NEBL: variants seen among roughly 807,000 people sequenced by gnomAD.
The protein encoded by NEBL is nebulette.
NEBL carries 122 observed loss-of-function variants against 140.2 expected under a neutral mutation model. That is an observed-to-expected ratio of 0.87 (90% CI 0.75 to 1.01). The LOEUF (loss-of-function observed/expected upper bound fraction) is 1.01, where lower values mean the gene tolerates loss of function less well. NEBL is among the 50% of genes least tolerant of loss of function. NEBL has a pLI of 0.00. For missense variants in NEBL, 1,365 were observed against 1,231.3 expected (o/e 1.11, Z -1.62); for synonymous variants, 436 against 398.9 (o/e 1.09, Z -1.11).
chr10:20,927,710 T>G (rs1407043526), intron 4 of NEBL, among the ~76,000 whole-genome samples: 1 of 152,200 alleles, frequency 6.6e-6, no homozygotes, highest in Non-Finnish European at 1.5e-5. Context: ...TGGTATACAG[T>G]CCAGAGCACA....
At chr10:20,814,564 T>C (rs961103049) in intron 22 of NEBL, among the ~76,000 whole-genome samples, 3 of 151,652 alleles carry the variant, frequency 2.0e-5, no homozygotes, top group Admixed American at 1.3e-4. Flanking sequence ...ATTGTGCTAT[T>C]GCATTCCAGC....
At chr10:21,247,090 C>T (rs1318024193) in intron 3 of NEBL, among the ~76,000 whole-genome samples, 2 of 152,118 alleles carry the variant, frequency 1.3e-5, no homozygotes, top group East Asian at 3.9e-4. Context: ...TGAAGATGTG[C>T]CTGCTTCCCC....
intron 3 of NEBL, among the ~76,000 whole-genome samples, chr10:21,228,195 C>T (rs1225074933): frequency 6.6e-6 from 1 of 151,784 alleles, no homozygotes; most frequent in African/African-American, 2.4e-5. Flanking sequence ...ACTGTGTCAC[C>T]CAGGCTGGAG....
chr10:20,984,851 C>T (rs1837192314), intron 3 of NEBL, among the ~76,000 whole-genome samples: 1 of 152,160 alleles, frequency 6.6e-6, no homozygotes, highest in Non-Finnish European at 1.5e-5. Context: ...CCCCACAGCT[C>T]CCATTATCGC....
intron 3 of NEBL, among the ~76,000 whole-genome samples, chr10:21,227,129 T>TC: frequency 6.6e-6 from 1 of 151,920 alleles, no homozygotes; most frequent in East Asian, 1.9e-4. Flanking sequence ...TAAGCTTTTT[T>TC]CCCCCCATTA....
At chr10:21,147,298 G>A (rs368496283) in intron 2 of NEBL, among the ~76,000 whole-genome samples, 12 of 151,328 alleles carry the variant, frequency 7.9e-5, no homozygotes, top group East Asian at 5.8e-4. Context: ...AGGAACCTTC[G>A]CCCAGTTTCT....
intron 2 of NEBL, among the ~76,000 whole-genome samples, chr10:21,027,177 GA>G (rs1353237363): frequency 2.0e-5 from 3 of 152,010 alleles, no homozygotes; most frequent in Non-Finnish European, 4.4e-5. Context: ...TGATTCTTGT[GA>G]AACCTCCCAG....
At chr10:21,276,837 C>T (rs1161366787) in intron 1 of NEBL, among the ~76,000 whole-genome samples, 2 of 152,140 alleles carry the variant, frequency 1.3e-5, no homozygotes, top group Non-Finnish European at 2.9e-5. Context: ...ACAGTGATGG[C>T]AGGCGCTGGT....
intron 3 of NEBL, among the ~76,000 whole-genome samples, chr10:21,236,742 A>G (rs953342060): frequency 1.3e-5 from 2 of 152,178 alleles, no homozygotes; most frequent in African/African-American, 2.4e-5. Context: ...TTAGGCCCCA[A>G]AATGAACCCC....
chr10:21,010,420 T>C (rs1463420755), intron 3 of NEBL, among the ~76,000 whole-genome samples: 5 of 89,214 alleles, frequency 5.6e-5, no homozygotes, highest in Admixed American at 4.7e-4. Flanking sequence ...AATTTTTTAA[T>C]TTTTTTTTTT....
At chr10:21,255,359 T>C (rs1179337760) in intron 1 of NEBL, among the ~76,000 whole-genome samples, 12 of 152,108 alleles carry the variant, frequency 7.9e-5, no homozygotes, top group African/African-American at 2.9e-4. Flanking sequence ...TGAGAGATGC[T>C]GACTCGGGTA....
intron 3 of NEBL, among the ~76,000 whole-genome samples, chr10:21,006,525 T>C (rs1589130329): frequency 6.6e-6 from 1 of 152,216 alleles, no homozygotes; most frequent in East Asian, 1.9e-4. Context: ...TTCTTCCCTG[T>C]TCCTTCCCTT....
chr10:21,052,620 G>A (rs1364216449), intron 2 of NEBL, among the ~76,000 whole-genome samples: 1 of 152,190 alleles, frequency 6.6e-6, no homozygotes, highest in African/African-American at 2.4e-5. Flanking sequence ...AGCAAAGTCT[G>A]TAGAGATGCT....
intron 3 of NEBL, among the ~76,000 whole-genome samples, chr10:21,181,407 A>G (rs527258864): frequency 3.3e-5 from 5 of 152,212 alleles, no homozygotes; most frequent in Non-Finnish European, 5.9e-5. Flanking sequence ...AACTGGTTAA[A>G]AAAAACAGAG....
At chr10:20,924,524 A>T (rs1391218802) in intron 4 of NEBL, among the ~76,000 whole-genome samples, 4 of 23,552 alleles carry the variant, frequency 1.7e-4, no homozygotes, top group African/African-American at 6.7e-4. Flanking sequence ...TATCTTGTAT[A>T]AAAAAAAAAA....
intron 11 of NEBL, among the ~76,000 whole-genome samples, chr10:20,850,024 A>C (rs921297107): frequency 6.6e-6 from 1 of 152,240 alleles, no homozygotes; most frequent in Admixed American, 6.5e-5. Context: ...GGCCAGGTAA[A>C]TAAAGCAACC....
intron 1 of NEBL, among the ~76,000 whole-genome samples, chr10:21,283,014 T>A (rs1360409761): frequency 6.6e-6 from 1 of 151,650 alleles, no homozygotes; most frequent in African/African-American, 2.4e-5. Context: ...CATGCACCTG[T>A]AAGCCCAGCT....
chr10:21,101,026 A>C (rs1474242645), intron 2 of NEBL, among the ~76,000 whole-genome samples: 6 of 152,142 alleles, frequency 3.9e-5, no homozygotes, highest in Non-Finnish European at 8.8e-5. Context: ...ACCAGAATGT[A>C]ACTTTAGAGA....
chr10:21,065,430 A>C (rs1302772368), intron 2 of NEBL, among the ~76,000 whole-genome samples: 2 of 152,240 alleles, frequency 1.3e-5, no homozygotes, highest in Non-Finnish European at 2.9e-5. Context: ...ACTTCATAGA[A>C]AAACAGGGAA....
Sources: gnomAD v4.1 joint callset for allele counts (sites outside exome capture counted in the v4.1 genomes callset) on GRCh38, gnomAD v4.1.1 for gene constraint, MANE v1.5 for transcripts, NCBI Gene and HGNC (gene_info 2026-07-23, HGNC 2026-07-21) for gene names.